Variants in CCBE1 observed in about 807,000 individuals in gnomAD.
CCBE1 encodes the protein collagen and calcium-binding EGF domain-containing protein 1.
Under a neutral mutation model 50.0 loss-of-function variants are expected in CCBE1, and 37 were observed. The observed-to-expected ratio is 0.74, with a 90% confidence interval of 0.57 to 0.97. CCBE1 has a LOEUF of 0.97. CCBE1 is among the 50% of genes least tolerant of loss of function. The probability of loss-of-function intolerance (pLI) is 0.00; values close to 1 mark genes in which losing one functional copy is unlikely to be tolerated. For missense variants in CCBE1, 538 were observed against 523.8 expected, an observed-to-expected ratio of 1.03 and a Z score of -0.26; for synonymous variants, 234 against 203.7, an observed-to-expected ratio of 1.15 and a Z score of -1.27.
chr18:59,618,840 G>GT (rs5825352), intron 2 of CCBE1, among the ~76,000 whole-genome samples: 50,997 of 151,394 alleles, frequency 0.34, 8,977 homozygotes, highest in East Asian at 0.6. Context: ...AAACTACCCA[G>GT]TTTTTTTTTA....
chr18:59,564,121 T>C (rs1049491490), intron 2 of CCBE1: 1 of 152,214 alleles, frequency 6.6e-6, no homozygotes, highest in Non-Finnish European at 1.5e-5. Context: ...ACAATCTTTA[T>C]AACTATCAGC....
At chr18:59,607,833 G>T (rs933352987) in intron 2 of CCBE1, among the ~76,000 whole-genome samples, 2 of 152,212 alleles carry the variant, frequency 1.3e-5, no homozygotes, top group Non-Finnish European at 2.9e-5. Flanking sequence ...CCAGCACTTT[G>T]GGAGGCTGAG....
At chr18:59,544,728 G>A (rs1226952164) in intron 2 of CCBE1, among the ~76,000 whole-genome samples, 1 of 152,110 alleles carries the variant, frequency 6.6e-6, no homozygotes, top group African/African-American at 2.4e-5. Flanking sequence ...GACAAAGAAA[G>A]GGCATTTTAA....
intron 2 of CCBE1, among the ~76,000 whole-genome samples, chr18:59,484,261 T>C (rs1912709339): frequency 6.6e-6 from 1 of 152,226 alleles, no homozygotes; most frequent in Non-Finnish European, 1.5e-5. Context: ...TACTAGATGA[T>C]TTGAAACTCC....
chr18:59,454,308 G>A (rs1351909787), intron 6 of CCBE1, among the ~76,000 whole-genome samples: 1 of 152,120 alleles, frequency 6.6e-6, no homozygotes, highest in Non-Finnish European at 1.5e-5. Flanking sequence ...GCAATGGAGT[G>A]GTCCCAGCTC....
intron 2 of CCBE1, among the ~76,000 whole-genome samples, chr18:59,625,537 A>C (rs541170750): frequency 6.6e-6 from 1 of 152,314 alleles, no homozygotes; most frequent in East Asian, 1.9e-4. Context: ...AGAAAAATTA[A>C]AAGCAAGCAG....
intron 3 of CCBE1, among the ~76,000 whole-genome samples, chr18:59,471,063 T>C (rs646900): frequency 0.42 from 64,404 of 152,138 alleles, 13,875 homozygotes; most frequent in South Asian, 0.51. Flanking sequence ...GTGCTCTTTT[T>C]GTTGGAGAGC....
chr18:59,608,710 C>G, intron 2 of CCBE1, among the ~76,000 whole-genome samples: 1 of 152,208 alleles, frequency 6.6e-6, no homozygotes, highest in South Asian at 2.1e-4. Flanking sequence ...GAAAACGTCT[C>G]TCTTGTTCAT....
chr18:59,605,736 A>G (rs774949319), intron 2 of CCBE1, among the ~76,000 whole-genome samples: 2 of 152,132 alleles, frequency 1.3e-5, no homozygotes, highest in African/African-American at 2.4e-5. Flanking sequence ...TGGATGATAA[A>G]ATACCTCATG....
intron 2 of CCBE1, among the ~76,000 whole-genome samples, chr18:59,498,682 A>G (rs1377856619): frequency 6.6e-6 from 1 of 152,238 alleles, no homozygotes; most frequent in Non-Finnish European, 1.5e-5. Flanking sequence ...AGGCAACGTT[A>G]GTGCATAATT....
intron 2 of CCBE1, among the ~76,000 whole-genome samples, chr18:59,631,820 T>C (rs1360595011): frequency 6.6e-6 from 1 of 152,194 alleles, no homozygotes; most frequent in Admixed American, 6.5e-5. Context: ...ACAAACTGAC[T>C]AGAATTAGGA....
chr18:59,468,344 C>CA, intron 4 of CCBE1, among the ~76,000 whole-genome samples: 1 of 152,176 alleles, frequency 6.6e-6, no homozygotes, highest in East Asian at 1.9e-4. Context: ...ATGATCACGC[C>CA]ACTGCACTCC....
chr18:59,558,652 C>T (rs947891221), intron 2 of CCBE1, among the ~76,000 whole-genome samples: 7 of 152,264 alleles, frequency 4.6e-5, no homozygotes, highest in Admixed American at 3.3e-4. Context: ...TTTGACATGG[C>T]GGGCATGCTG....
rs144199054 is a variant in CCBE1 at position 59,568,809 on chromosome 18, G to C, written c.213-88571C>G. Among the ~76,000 whole-genome samples the C allele has an allele frequency of 7.2e-5, 11 of 152,344 alleles. No homozygotes were observed. The East Asian group carries it at 2.1e-3, about 29-fold the overall frequency. ...TGGACACCTCTGCCCATCTGTGAGAGTGAACAGCATGCTTACTACTGTGGT... is the reference window on the plus strand; with the variant it reads ...TGGACACCTCTGCCCATCTGTGAGACTGAACAGCATGCTTACTACTGTGGT... On this transcript the variant is annotated intron_variant, in intron 2 of 10. Coordinates refer to ENST00000439986, the MANE Select transcript of CCBE1 (RefSeq NM_133459.4).
chr18:59,586,824 A>G (rs1399360881), intron 2 of CCBE1, among the ~76,000 whole-genome samples: 3 of 152,232 alleles, frequency 2.0e-5, no homozygotes, highest in African/African-American at 7.2e-5. Context: ...TCCAGTAAGA[A>G]ACACCTGAAA....
At chr18:59,612,465 G>A (rs2053583693) in intron 2 of CCBE1, among the ~76,000 whole-genome samples, 1 of 152,136 alleles carries the variant, frequency 6.6e-6, no homozygotes. Context: ...CTGATGGAGA[G>A]TGCTTCCCCC....
intron 2 of CCBE1, among the ~76,000 whole-genome samples, chr18:59,663,874 TTGG>T (rs930322055): frequency 3.3e-5 from 5 of 152,180 alleles, no homozygotes; most frequent in Admixed American, 3.3e-4. Context: ...GGCTGGGAAG[TTGG>T]TGAAGTCACT....
chr18:59,461,808 C>A (rs1166906809), intron 5 of CCBE1, among the ~76,000 whole-genome samples: 1 of 145,964 alleles, frequency 6.9e-6, no homozygotes, highest in Non-Finnish European at 1.5e-5. Context: ...TCTCGGCTCA[C>A]TGCAACCTCA....
At chr18:59,586,120 A>G (rs2053174689) in intron 2 of CCBE1, among the ~76,000 whole-genome samples, 1 of 152,252 alleles carries the variant, frequency 6.6e-6, no homozygotes, top group Non-Finnish European at 1.5e-5. Context: ...TATCATGGAC[A>G]TGAGAAATGC....
Sources: gnomAD v4.1 joint callset for allele counts (sites outside exome capture counted in the v4.1 genomes callset) on GRCh38, gnomAD v4.1.1 for gene constraint, MANE v1.5 for transcripts, NCBI Gene and HGNC (gene_info 2026-07-23, HGNC 2026-07-21) for gene names.